The following ARHGAP42 variants were observed in gnomAD, a reference collection of about 807,000 sequenced individuals.
ARHGAP42 encodes Rho GTPase activating protein 42, also known as rho GTPase-activating protein 42.
ARHGAP42 carries 63 observed loss-of-function variants against 125.0 expected under a neutral mutation model. The ratio of observed to expected loss-of-function variants is 0.50; its 90% CI spans 0.41 to 0.62. The LOEUF is 0.62. ARHGAP42 is among the 20% of genes least tolerant of loss of function. ARHGAP42 has a pLI of 0.00. For missense variants in ARHGAP42, 766 were observed against 1,024.2 expected (o/e 0.75, Z 3.44); for synonymous variants, 339 against 351.0 (o/e 0.97, Z 0.38).
rs541284981 is a variant in ARHGAP42 at position 100,883,620 on chromosome 11, GGT to G, written c.384+23999_384+24000del. ...GGCCTCCCAAATTGCTGGGATTACA[GGT>G]GTGAGCCACCATCCCTGACCTTAAC... On this transcript the variant is annotated intron_variant, in intron 4 of 23. Coordinates refer to ENST00000298815, the MANE Select transcript of ARHGAP42 (RefSeq NM_152432.4). Among the ~76,000 whole-genome samples, 369 of 152,280 alleles carry G rather than the reference GGT, an allele frequency of 2.4e-3. 3 individuals carry two copies. In the South Asian group the frequency reaches 0.028, roughly 12 times the overall value.
At chr11:100,931,749 A>G (rs1777065047) in intron 6 of ARHGAP42, among the ~76,000 whole-genome samples, 2 of 152,210 alleles carry the variant, frequency 1.3e-5, no homozygotes, top group South Asian at 4.1e-4. Flanking sequence ...GAAAGGCTCT[A>G]AATCTAAACA....
chr11:100,774,468 C>T (rs1376848542), intron 2 of ARHGAP42, among the ~76,000 whole-genome samples: 1 of 152,200 alleles, frequency 6.6e-6, no homozygotes, highest in Non-Finnish European at 1.5e-5. Flanking sequence ...ACAACACTCT[C>T]AGCTGGAGTA....
chr11:100,894,970 G>C (rs988341986), intron 4 of ARHGAP42, among the ~76,000 whole-genome samples: 3 of 152,188 alleles, frequency 2.0e-5, no homozygotes, highest in African/African-American at 7.2e-5. Flanking sequence ...CCTCATGGGA[G>C]ATGTGCCTAG....
At chr11:100,766,023 A>G (rs56333626) in intron 1 of ARHGAP42, among the ~76,000 whole-genome samples, 43 of 152,330 alleles carry the variant, frequency 2.8e-4, no homozygotes, top group African/African-American at 1.0e-3. Flanking sequence ...AATTATAGGT[A>G]TTTTGTATTC....
intron 1 of ARHGAP42, among the ~76,000 whole-genome samples, chr11:100,760,941 C>T (rs1293816220): frequency 6.6e-6 from 1 of 152,044 alleles, no homozygotes; most frequent in Non-Finnish European, 1.5e-5. Flanking sequence ...CTTTCCCTTA[C>T]TGTTGATAAG....
intron 8 of ARHGAP42, among the ~76,000 whole-genome samples, 189 bp downstream of exon 8, chr11:100,936,521 A>G (rs1334611802): frequency 6.6e-6 from 1 of 152,164 alleles, no homozygotes; most frequent in Non-Finnish European, 1.5e-5. Flanking sequence ...CTAAGTTGGC[A>G]TATTGTTGAA....
intron 16 of ARHGAP42, 138 bp downstream of exon 16, chr11:100,962,605 G>A (rs1381402298): frequency 1.4e-5 from 11 of 763,552 alleles, no homozygotes; most frequent in African/African-American, 5.3e-5. Context: ...GGCCGGGTGC[G>A]GTGGCTCAAA....
chr11:100,764,704 A>G (rs1385098818), intron 1 of ARHGAP42, among the ~76,000 whole-genome samples: 1 of 152,222 alleles, frequency 6.6e-6, no homozygotes, highest in Non-Finnish European at 1.5e-5. Flanking sequence ...GGAGGGTAAA[A>G]GACATCCAGG....
chr11:100,937,420 A>T (rs1008700226), intron 8 of ARHGAP42, among the ~76,000 whole-genome samples: 2 of 149,164 alleles, frequency 1.3e-5, no homozygotes, highest in African/African-American at 4.9e-5. Context: ...GGAAATTTTT[A>T]TTTTTTTTTT....
intron 4 of ARHGAP42, among the ~76,000 whole-genome samples, chr11:100,867,578 C>T (rs1227709678): frequency 6.6e-6 from 1 of 152,214 alleles, no homozygotes; most frequent in Non-Finnish European, 1.5e-5. Flanking sequence ...AAGGCTTTGG[C>T]TTAAGGGAAT....
intron 2 of ARHGAP42, among the ~76,000 whole-genome samples, chr11:100,787,552 A>G (rs1565214109): frequency 6.6e-6 from 1 of 152,214 alleles, no homozygotes; most frequent in African/African-American, 2.4e-5. Flanking sequence ...AAGAGAGCGA[A>G]AGATTAAAGA....
intron 22 of ARHGAP42, among the ~76,000 whole-genome samples, chr11:100,983,716 T>G (rs1591340495): frequency 6.6e-6 from 1 of 152,242 alleles, no homozygotes; most frequent in South Asian, 2.1e-4. Context: ...ACAAGCAGCT[T>G]TAACTCTACA....
At chr11:100,775,108 G>T (rs1863087372) in intron 2 of ARHGAP42, among the ~76,000 whole-genome samples, 1 of 152,112 alleles carries the variant, frequency 6.6e-6, no homozygotes, top group Non-Finnish European at 1.5e-5. Flanking sequence ...CTGCAGGTGA[G>T]CTTTGGCCTG....
chr11:100,971,895 G>A (rs1412138059), intron 17 of ARHGAP42, among the ~76,000 whole-genome samples: 3 of 152,126 alleles, frequency 2.0e-5, no homozygotes, highest in Non-Finnish European at 2.9e-5. Flanking sequence ...ACTTCCAAGA[G>A]ATGGATCCAA....
At chr11:100,716,391 A>G (rs369477169) in intron 1 of ARHGAP42, among the ~76,000 whole-genome samples, 7 of 152,362 alleles carry the variant, frequency 4.6e-5, no homozygotes, top group South Asian at 4.1e-4. Context: ...AAACCAAAAA[A>G]CAAAACAACC....
intron 17 of ARHGAP42, 32 bp from the exon 18 acceptor site, chr11:100,973,143 C>A: frequency 6.8e-7 from 1 of 1,481,400 alleles, no homozygotes; most frequent in Non-Finnish European, 9.0e-7. Flanking sequence ...AAACATATAA[C>A]TTAAGATATT....
intron 5 of ARHGAP42, among the ~76,000 whole-genome samples, chr11:100,914,827 A>G (rs1019512276): frequency 6.6e-6 from 1 of 151,936 alleles, no homozygotes; most frequent in Non-Finnish European, 1.5e-5. Flanking sequence ...TATTTCTCCT[A>G]CCTCTGAGTT....
chr11:100,815,427 C>T (rs1348023838), intron 3 of ARHGAP42, among the ~76,000 whole-genome samples: 3 of 152,084 alleles, frequency 2.0e-5, no homozygotes. Context: ...GAATTTTGGC[C>T]ATGTTAATCA....
chr11:100,987,843 A>AAATAAATTAATT (rs879298050), intron 23 of ARHGAP42, among the ~76,000 whole-genome samples: 1 of 146,420 alleles, frequency 6.8e-6, no homozygotes, highest in Non-Finnish European at 1.5e-5. Context: ...ATAAATAAAT[A>AAATAAATTAATT]AATAGGCCAG....
Sources: gnomAD v4.1 joint callset for allele counts (sites outside exome capture counted in the v4.1 genomes callset) on GRCh38, gnomAD v4.1.1 for gene constraint, MANE v1.5 for transcripts, NCBI Gene and HGNC (gene_info 2026-07-23, HGNC 2026-07-21) for gene names.